GCN1: variants seen among roughly 807,000 people sequenced by gnomAD.
GCN1 encodes the protein stalled ribosome sensor GCN1.
In GCN1, 90 loss-of-function variants were observed where a neutral mutation model predicts 288.4. The observed-to-expected ratio is 0.31, with a 90% CI of 0.26 to 0.37. The LOEUF is 0.37. Ranked by LOEUF, GCN1 falls within the 10% of genes least tolerant of loss-of-function variation. The pLI is 1.00. For synonymous variants in GCN1, 1,386 were observed against 1,420.2 expected (o/e 0.98, Z 0.54); for missense variants, 2,586 against 3,419.9 (o/e 0.76, Z 6.08).
intron 5 of GCN1, among the ~76,000 whole-genome samples, chr12:120,179,887 C>T (rs1160870845): frequency 6.6e-6 from 1 of 152,228 alleles, no homozygotes; most frequent in African/African-American, 2.4e-5. Context: ...TTACTGACCA[C>T]TGCATGGCAG....
chr12:120,167,002 G>A (rs1408156745), intron 16 of GCN1, among the ~76,000 whole-genome samples: 2 of 150,742 alleles, frequency 1.3e-5, no homozygotes, highest in South Asian at 4.2e-4. Flanking sequence ...GCAACAGAGT[G>A]AGATCCTGTC....
At position 120,145,283 on chromosome 12, in the gene GCN1, C is replaced by G. The variant is rs775893923; in HGVS notation, c.4995G>C (p.Ser1665=). The change falls in exon 39 of 58, where the codon TCG becomes TCC. Residue 1665 remains serine, a synonymous_variant. Transcript: ENST00000300648. ...TCACCTCAGGCACAGGGTCCAAAAG[C>G]GATGCTTTCAGGCCAGGCGTCACGC... is the stretch of plus-strand genomic sequence containing the variant. ...LPSVTPGLKA[S]LLDPVPEVRT... 1 of 1,602,216 alleles carries G rather than the reference C, an allele frequency of 6.2e-7. No homozygotes were observed. The highest frequency in any genetic ancestry group is 2.2e-5 in the East Asian group (1 of 44,744).
At chr12:120,157,670 G>C (rs557405241) in intron 26 of GCN1, among the ~76,000 whole-genome samples, 179 bp downstream of exon 26, 1 of 152,348 alleles carries the variant, frequency 6.6e-6, no homozygotes, top group East Asian at 1.9e-4. Flanking sequence ...TCACATGAAA[G>C]AAGCAGTCTG....
intron 24 of GCN1, among the ~76,000 whole-genome samples, chr12:120,159,298 C>T (rs889174941): frequency 5.3e-5 from 8 of 152,146 alleles, no homozygotes; most frequent in African/African-American, 1.9e-4. Flanking sequence ...GAACAGTTCC[C>T]AGATTCTAGC....
chr12:120,193,388 C>T (rs1879069740), intron 1 of GCN1, among the ~76,000 whole-genome samples: 1 of 152,150 alleles, frequency 6.6e-6, no homozygotes, highest in Non-Finnish European at 1.5e-5. Context: ...TCACTGCAAC[C>T]TCTGCCTCCC....
rs866384068 is a variant in GCN1, at chr12:120,127,751, G to A, written c.*98C>T. ...TGATATTAAAATACTTTCTGGGAACGCCATCTTCCAAGCTCCCCATTGGAA... is the reference window on the plus strand; with the variant it reads ...TGATATTAAAATACTTTCTGGGAACACCATCTTCCAAGCTCCCCATTGGAA... On this transcript the variant is annotated 3_prime_UTR_variant, in exon 58 of 58. Coordinates refer to ENST00000300648, the MANE Select transcript of GCN1 (RefSeq NM_006836.2). 5.4e-6 allele frequency: 7 copies of A among 1,305,944 alleles called. No homozygotes were observed. Among genetic ancestry groups the A allele is most frequent in the Admixed American group, 2.0e-5 (1 of 51,036 alleles). 80.9% of individuals were successfully genotyped at this position (1,305,944 alleles called of 1,614,324 possible).
In GCN1 at chr12:120,178,589, A is replaced by G. The variant is rs759223202; in HGVS notation, c.660+36T>C. On this transcript the variant is annotated intron_variant, in intron 7 of 57. Coordinates refer to ENST00000300648, the MANE Select transcript of GCN1 (RefSeq NM_006836.2). ...CCAGCGAGCTCCCAACATCCCCAAC[A>G]TAGCAAACCCACAGTCACTCTGCCT... The G allele has an allele frequency of 2.5e-6, 4 of 1,612,166 alleles. 1 individual carries two copies. The South Asian group carries it at 3.3e-5, about 13-fold the overall frequency.
chr12:120,144,210 A>T lies in GCN1; in HGVS notation c.5495+96T>A. On this transcript the variant is annotated intron_variant, in intron 42 of 57. Transcript: ENST00000300648. This position sits in a 1 kb window ranked among gnomAD's most constrained non-coding sequence, Gnocchi z 4.7. ...GGGCTCATCGTAAACTCCTGGGTTT[A>T]AGCAATCCTCCTGCCTCGGCTTTCC... 1 of 1,386,504 alleles carries T rather than the reference A, an allele frequency of 7.2e-7. No homozygotes were observed. The highest frequency in any genetic ancestry group is 1.0e-6 in the Non-Finnish European group (1 of 979,136). 85.9% of individuals were successfully genotyped at this position (1,386,504 alleles called of 1,614,324 possible).
chr12:120,181,557 C>T (rs1377709776), intron 5 of GCN1, among the ~76,000 whole-genome samples: 1 of 150,346 alleles, frequency 6.7e-6, no homozygotes, highest in Non-Finnish European at 1.5e-5. Flanking sequence ...AGGCTGGGCA[C>T]GACCAGGTGC....
intron 24 of GCN1, among the ~76,000 whole-genome samples, chr12:120,159,506 TG>T (rs1288084164): frequency 6.6e-6 from 1 of 152,202 alleles, no homozygotes; most frequent in African/African-American, 2.4e-5. Flanking sequence ...TGGGCTGGGC[TG>T]AGCCACCAAA....
intron 1 of GCN1, among the ~76,000 whole-genome samples, chr12:120,191,060 T>C (rs1295374833): frequency 1.3e-5 from 2 of 152,210 alleles, no homozygotes; most frequent in Non-Finnish European, 2.9e-5. Context: ...ATGACTGTTA[T>C]GGAGCTTAAA....
chr12:120,147,326 G>A (rs1877394283), intron 37 of GCN1, 54 bp from the exon 38 acceptor site: 1 of 976,664 alleles, frequency 1.0e-6, no homozygotes, highest in Non-Finnish European at 1.5e-6. Context: ...CAGCTGCAAG[G>A]CCCCTGGGCC....
chr12:120,194,655 T>A, intron 1 of GCN1, 25 bp downstream of exon 1: 1 of 1,514,002 alleles, frequency 6.6e-7, no homozygotes, highest in East Asian at 2.6e-5. Flanking sequence ...CCTGGCCGCG[T>A]TGGCCCCGCA....
At chr12:120,165,002 T>TATACACACACACAC (rs533586250) in intron 16 of GCN1, among the ~76,000 whole-genome samples, 16 of 136,894 alleles carry the variant, frequency 1.2e-4, no homozygotes, top group Admixed American at 3.7e-4. Context: ...TACACATATA[T>TATACACACACACAC]ACACACACAC....
At chr12:120,194,651 C>T (rs1469458935) in intron 1 of GCN1, 29 bp downstream of exon 1, 71 of 1,512,526 alleles carry the variant, frequency 4.7e-5, no homozygotes, top group African/African-American at 1.4e-5. Flanking sequence ...AGTCCCTGGC[C>T]GCGTTGGCCC....
Position 120,134,510 on chromosome 12 carries a change from G to A in GCN1, c.7202+23C>T, listed in dbSNP as rs1229862697. 3.1e-6 allele frequency: 5 copies of A among 1,609,562 alleles called. No individual in the cohort carries two copies. Among genetic ancestry groups the A allele is most frequent in the Admixed American group, 1.7e-5 (1 of 59,900 alleles). ...AACCCCTGGCCTCCTGGAGGCCACA[G>A]TGCTCCCTTGCCAGCGCCGTACCTG... On this transcript the variant is annotated intron_variant, in intron 52 of 57. Coordinates refer to ENST00000300648, the MANE Select transcript of GCN1 (RefSeq NM_006836.2). The surrounding 1 kb of genome is among the most constrained non-coding windows in gnomAD (Gnocchi z 5.0).
At chr12:120,179,402 T>TTC (rs1878580618) in intron 5 of GCN1, among the ~76,000 whole-genome samples, 1 of 147,962 alleles carries the variant, frequency 6.8e-6, no homozygotes, top group South Asian at 2.2e-4. Flanking sequence ...AGCTAATTTT[T>TTC]TTTTTTTTTT....
chr12:120,129,762 T>G (rs141838682), intron 56 of GCN1, among the ~76,000 whole-genome samples: 403 of 152,298 alleles, frequency 2.6e-3, no homozygotes, highest in African/African-American at 8.4e-3. Flanking sequence ...GTCCCACAGC[T>G]TGGGCCGTGC....
intron 11 of GCN1, 141 bp downstream of exon 11, chr12:120,175,605 C>T: frequency 1.2e-6 from 1 of 852,956 alleles, no homozygotes; most frequent in Non-Finnish European, 1.8e-6. Flanking sequence ...CACACACATT[C>T]ACATTCCAGT....
Sources: gnomAD v4.1 joint callset for allele counts (sites outside exome capture counted in the v4.1 genomes callset) on GRCh38, gnomAD v4.1.1 for gene constraint, Gnocchi (gnomAD v3.1) non-coding constraint, MANE v1.5 for transcripts, NCBI Gene and HGNC (gene_info 2026-07-23, HGNC 2026-07-21) for gene names.